Variants in NRXN3 observed in about 807,000 individuals in gnomAD.
NRXN3 encodes neurexin 3, also known as neurexin III.
In NRXN3, 32 loss-of-function variants were observed where a neutral mutation model predicts 137.6. The observed-to-expected ratio is 0.23, with a 90% CI of 0.18 to 0.31. The LOEUF (loss-of-function observed/expected upper bound fraction) is 0.31, where lower values mean the gene tolerates loss of function less well. Ranked by LOEUF, NRXN3 falls within the 10% of genes least tolerant of loss-of-function variation. The pLI is 1.00. For missense variants in NRXN3, 1,574 were observed against 2,062.5 expected (o/e 0.76, Z 4.59); for synonymous variants, 798 against 784.5 (o/e 1.02, Z -0.29).
chr14:78,228,375 C>T (rs890044129), intron 1 of NRXN3, among the ~76,000 whole-genome samples: 1 of 152,004 alleles, frequency 6.6e-6, no homozygotes, highest in African/African-American at 2.4e-5. Context: ...AGGGGGATCT[C>T]GAACTCCTGA....
chr14:79,254,856 C>T (rs1009040838), intron 15 of NRXN3, among the ~76,000 whole-genome samples: 1 of 141,300 alleles, frequency 7.1e-6, no homozygotes, highest in Non-Finnish European at 1.5e-5. Flanking sequence ...CTTCCTTTCT[C>T]CCTTTCTCCC....
chr14:78,530,966 G>C (rs1599974401), intron 4 of NRXN3, among the ~76,000 whole-genome samples: 1 of 152,130 alleles, frequency 6.6e-6, no homozygotes, highest in Non-Finnish European at 1.5e-5. Context: ...GTGGCTTCTT[G>C]ACTATTGGGT....
At chr14:78,485,457 C>A (rs1166898511) in intron 4 of NRXN3, among the ~76,000 whole-genome samples, 1 of 152,312 alleles carries the variant, frequency 6.6e-6, no homozygotes, top group East Asian at 1.9e-4. Flanking sequence ...ACTAATTGGG[C>A]ACTTCCTGTG....
In NRXN3 at chr14:79,864,570, T is replaced by C. The variant is rs962343587; in HGVS notation, c.*2606T>C. 2.0e-5 allele frequency: 3 copies of C among 152,352 alleles called. No homozygotes were observed. Among genetic ancestry groups the C allele is most frequent in the Non-Finnish European group, 4.4e-5 (3 of 68,036 alleles). 9.4% of individuals were successfully genotyped at this position (152,352 alleles called of 1,614,324 possible). ...TAAGCAGTTACTAATTATTACATTA[T>C]CAAAATGCCATATTTATGAGATAAT... On this transcript the variant is annotated 3_prime_UTR_variant, in exon 21 of 21. Coordinates refer to ENST00000335750, the MANE Select transcript of NRXN3 (RefSeq NM_001330195.2).
intron 16 of NRXN3, among the ~76,000 whole-genome samples, chr14:79,637,926 C>T (rs1432000606): frequency 1.5e-5 from 2 of 130,434 alleles, no homozygotes; most frequent in Non-Finnish European, 3.2e-5. Context: ...GATGGGTTTT[C>T]AACATGTTAG....
At chr14:79,675,218 C>A (rs1198544481) in intron 17 of NRXN3, among the ~76,000 whole-genome samples, 2 of 151,882 alleles carry the variant, frequency 1.3e-5, no homozygotes, top group Non-Finnish European at 2.9e-5. Context: ...GGCCAAATAA[C>A]AAGTAGCATA....
chr14:78,863,333 C>A (rs558335528), intron 10 of NRXN3, among the ~76,000 whole-genome samples: 13 of 152,128 alleles, frequency 8.5e-5, no homozygotes, highest in Non-Finnish European at 1.2e-4. Context: ...GTTCAGCCCC[C>A]GTATGGAGCT....
At chr14:78,680,791 T>C (rs918854706) in intron 6 of NRXN3, among the ~76,000 whole-genome samples, 1 of 152,174 alleles carries the variant, frequency 6.6e-6, no homozygotes, top group African/African-American at 2.4e-5. Flanking sequence ...AGGACCTCAA[T>C]ACTCTGGTTT....
chr14:78,176,355 C>T (rs1490093939), intron 1 of NRXN3, among the ~76,000 whole-genome samples: 1 of 149,930 alleles, frequency 6.7e-6, no homozygotes, highest in African/African-American at 2.5e-5. Flanking sequence ...GCAGTAGTTA[C>T]TATTTACAAA....
intron 9 of NRXN3, among the ~76,000 whole-genome samples, chr14:78,805,881 A>G (rs965114949): frequency 3.9e-5 from 6 of 152,274 alleles, no homozygotes; most frequent in African/African-American, 7.2e-5. Context: ...ATAAAAGCGT[A>G]TAAGAAATAA....
intron 4 of NRXN3, among the ~76,000 whole-genome samples, chr14:78,416,323 A>C (rs780348887): frequency 1.1e-4 from 17 of 152,176 alleles, no homozygotes; most frequent in Non-Finnish European, 2.5e-4. Flanking sequence ...GCTTCAGAGG[A>C]CCTGGGGCTT....
intron 10 of NRXN3, among the ~76,000 whole-genome samples, chr14:78,872,136 C>T (rs1046298972): frequency 6.6e-6 from 1 of 151,508 alleles, no homozygotes; most frequent in Non-Finnish European, 1.5e-5. Flanking sequence ...GATGTCTTTA[C>T]ATTCAATACA....
intron 15 of NRXN3, among the ~76,000 whole-genome samples, chr14:79,466,935 C>T (rs982094621): frequency 1.3e-5 from 2 of 152,176 alleles, no homozygotes; most frequent in Middle Eastern, 3.2e-3. Context: ...GGCTCCCAGA[C>T]TTAGGATGTT....
intron 10 of NRXN3, among the ~76,000 whole-genome samples, chr14:78,824,960 T>G (rs1029755849): frequency 6.6e-6 from 1 of 151,852 alleles, no homozygotes; most frequent in Non-Finnish European, 1.5e-5. Flanking sequence ...CCCATAAAAA[T>G]TAAAAATATA....
rs58994977 is a variant in NRXN3, at chr14:79,096,110, C to CTT, written c.3262+107980_3262+107981dup. Among the ~76,000 whole-genome samples, 1,134 of 144,692 alleles carry CTT rather than the reference C, an allele frequency of 7.8e-3. 13 individuals are homozygous for CTT. Among genetic ancestry groups the CTT allele is most frequent in the African/African-American group, 0.027 (1,060 of 39,780 alleles). 94.9% of individuals were successfully genotyped at this position (144,692 alleles called of 152,430 possible). ...TTTGATTTTTTAATTTTATTCTATTCTTTTTTTTTTTTGTAGAGCCAGAAT... is the reference window on the plus strand; with the variant it reads ...TTTGATTTTTTAATTTTATTCTATTCTTTTTTTTTTTTTTGTAGAGCCAGAAT... On this transcript the variant is annotated intron_variant, in intron 15 of 20. Coordinates refer to ENST00000335750, the MANE Select transcript of NRXN3 (RefSeq NM_001330195.2).
At chr14:78,456,871 T>TTC in intron 4 of NRXN3, among the ~76,000 whole-genome samples, 2 of 116,792 alleles carry the variant, frequency 1.7e-5, no homozygotes, top group Non-Finnish European at 3.9e-5. Context: ...CTTTCTTTCT[T>TTC]TCTTTCTTTC....
chr14:78,902,704 C>T lies in NRXN3; in HGVS notation c.2276-54538C>T, dbSNP rs185133179. 2.4e-3 allele frequency among the ~76,000 whole-genome samples: 358 copies of T among 152,106 alleles called. 1 individual carries two copies. Among genetic ancestry groups the T allele is most frequent in the South Asian group, 0.011 (52 of 4,828 alleles). The stretch of plus-strand genomic sequence containing the variant: ...ATACTTTAGCCTGATGTACAAGGCT[C>T]TTAAAGATCTATCCTTGTCTAACTG... On this transcript the variant is annotated intron_variant, in intron 10 of 20. Coordinates refer to ENST00000335750, the MANE Select transcript of NRXN3 (RefSeq NM_001330195.2).
At chr14:78,440,909 G>A (rs1567598034) in intron 4 of NRXN3, among the ~76,000 whole-genome samples, 1 of 152,160 alleles carries the variant, frequency 6.6e-6, no homozygotes, top group East Asian at 1.9e-4. Context: ...CCTATTGCCC[G>A]AAGCTTAAAT....
At chr14:78,293,951 T>G (rs2076054138) in intron 3 of NRXN3, among the ~76,000 whole-genome samples, 1 of 152,226 alleles carries the variant, frequency 6.6e-6, no homozygotes, top group African/African-American at 2.4e-5. Flanking sequence ...CAATGCACTT[T>G]ATGATCCTGG....
Sources: allele counts gnomAD v4.1 joint callset (sites outside exome capture counted in the v4.1 genomes callset), GRCh38; gene constraint gnomAD v4.1.1; transcripts MANE v1.5; gene names NCBI Gene and HGNC (gene_info 2026-07-23, HGNC 2026-07-21).